The following KMT2D variants were observed in gnomAD, a reference collection of about 807,000 sequenced individuals.
KMT2D encodes histone-lysine N-methyltransferase 2D.
A neutral mutation model predicts 512.7 loss-of-function variants in KMT2D; 55 were observed. That is an observed-to-expected ratio of 0.11 (90% CI 0.09 to 0.13). The LOEUF is 0.13. KMT2D is among the 10% of genes least tolerant of loss of function. KMT2D has a pLI of 1.00. For missense variants in KMT2D, 6,061 were observed against 7,127.9 expected (o/e 0.85, Z 5.39); for synonymous variants, 2,995 against 2,904.0 (o/e 1.03, Z -1.01).
rs11168830 is a variant in KMT2D, at chr12:49,030,751, G to T, written c.13689C>A (p.Pro4563=). Reference sequence around the variant, plus strand: ...TGGCGGTGATAGCAGGCTCCGTTAGGGGCAGCAGGGACAGCTCCTACAAGG... The same window carrying T: ...TGGCGGTGATAGCAGGCTCCGTTAGTGGCAGCAGGGACAGCTCCTACAAGG... ...KQLKQELSLL[P]LTEPAITANF... is the part of the protein sequence containing the mutation. Residue 4563 remains proline (P), a synonymous_variant, in exon 42 of 55, where the codon CCC becomes CCA. Transcript: ENST00000301067. 1 of 1,613,528 alleles carries T rather than the reference G, an allele frequency of 6.2e-7. No homozygotes were observed. Among genetic ancestry groups the T allele is most frequent in the Admixed American group, 1.7e-5 (1 of 60,012 alleles).
chr12:49,032,161 C>T lies in KMT2D; in HGVS notation c.12544G>A (p.Gly4182Arg). 1.2e-6 allele frequency: 2 copies of T among 1,613,314 alleles called. No individual in the cohort carries two copies. The highest frequency in any genetic ancestry group is 2.7e-5 in the African/African-American group (2 of 75,048). The change falls in exon 40 of 55, where the codon GGG (glycine) becomes AGG (arginine). Residue 4182 changes from glycine (G) to arginine (R), a missense_variant. Gly to Arg is a moderately radical substitution (Grantham distance 125). Around this residue, in one of 16 missense-constraint regions of KMT2D, gnomAD observed 1,600 missense variants for 1,754.9 expected, o/e 0.91. Transcript: ENST00000301067. ...ATTCCAACCCCAGGCAGACCCTGCC[C>T]AGACTGGAGGACAGGTCCTGGTTTG... ...PPKPGPVLQSGQGLPGVGIMP... is the reference protein window; with the variant it reads ...PPKPGPVLQSRQGLPGVGIMP...
rs368209841 is a variant in KMT2D at position 49,049,161 on chromosome 12, G to A, written c.3964C>T (p.Arg1322Cys). 3 of 1,611,888 alleles carry A rather than the reference G, an allele frequency of 1.9e-6. No homozygotes were observed. Among genetic ancestry groups the A allele is most frequent in the Admixed American group, 1.7e-5 (1 of 59,770 alleles). Residue 1322 changes from arginine to cysteine, a missense_variant, in exon 13 of 55, where the codon CGT becomes TGT. By Grantham distance (180) the Arg-to-Cys change is radical (BLOSUM62 -3). This residue lies in a region of KMT2D where 447 missense variants were observed against 500.1 expected (regional missense o/e 0.89). Coordinates refer to ENST00000301067, the MANE Select transcript of KMT2D (RefSeq NM_003482.4). ...RRPRGGAHGG[R>C]GRGRARLKST... ...TTTAGCCGGGCCCGTCCTCTACCAC[G>A]TCCTCCATGGGCTCCTCCACGAGGC... is the stretch of plus-strand genomic sequence containing the variant.
At chr12:49,043,597 T>C (rs182834536) in intron 24 of KMT2D, 38 bp downstream of exon 24, 18 of 1,610,718 alleles carry the variant, frequency 1.1e-5, no homozygotes, top group African/African-American at 9.3e-5. Context: ...CAGAAGAAAG[T>C]TGGATTCTCT....
chr12:49,052,492 G>T, intron 10 of KMT2D, 68 bp from the exon 11 acceptor site: 1 of 1,571,196 alleles, frequency 6.4e-7, no homozygotes, highest in Non-Finnish European at 8.7e-7. Flanking sequence ...TGGGGTCTGG[G>T]GCAATGCACA....
In KMT2D at chr12:49,031,600, A is replaced by C. The variant is rs1438347190; in HGVS notation, c.13105T>G (p.Leu4369Val). ...CAAGGTCCCAGACCCTTGCTAAACA[A>C]GGTATCTGCAAGCTGGGCAGCAGCA... ...SPAAAQLADT[L>V]FSKGLGPWDP... Residue 4369 changes from leucine to valine, a missense_variant, in exon 40 of 55, where the codon TTG (leucine) becomes GTG (valine). By Grantham distance (32) the Leu-to-Val change is conservative. Transcript: ENST00000301067. 6.3e-7 allele frequency: 1 copy of C among 1,599,434 alleles called. No individual in the cohort carries two copies. Among genetic ancestry groups the C allele is most frequent in the South Asian group, 1.1e-5 (1 of 89,038 alleles).
intron 48 of KMT2D, 24 bp downstream of exon 48, chr12:49,027,779 C>G (rs370139556): frequency 1.7e-5 from 27 of 1,552,866 alleles, no homozygotes; most frequent in Non-Finnish European, 2.4e-5. Flanking sequence ...CTAACACCCA[C>G]CCCTTTTTCT....
rs2120585742 is a variant in KMT2D at position 49,044,569 on chromosome 12, C to T, written c.4964-47G>A. ...ATGGAGGCAAATCAGAACTATAGGC[C>T]CTTTTAACCTTGTCATCCTGCCACT... On this transcript the variant is annotated intron_variant, in intron 20 of 54. Coordinates refer to ENST00000301067, the MANE Select transcript of KMT2D (RefSeq NM_003482.4). This position sits in a 1 kb window ranked among gnomAD's most constrained non-coding sequence, Gnocchi z 6.4. 6.3e-7 allele frequency: 1 copy of T among 1,599,270 alleles called. No individual in the cohort carries two copies. Among genetic ancestry groups the T allele is most frequent in the Non-Finnish European group, 8.5e-7 (1 of 1,171,988 alleles).
rs1020505865 is a variant in KMT2D at position 49,039,279 on chromosome 12, T to C, written c.8309A>G (p.Asp2770Gly). Residue 2770 changes from aspartate (D) to glycine (G), a missense_variant, in exon 34 of 55, where the codon GAC becomes GGC. Around this residue, in one of 16 missense-constraint regions of KMT2D, gnomAD observed 527 missense variants for 578.9 expected, o/e 0.91. Coordinates refer to ENST00000301067, the MANE Select transcript of KMT2D (RefSeq NM_003482.4). The surrounding 1 kb of genome is among the most constrained non-coding windows in gnomAD (Gnocchi z 5.0). ...ILGPGSFPSD[D>G]RLSRPPPPAT... ...TGGTGGAGGTGGCCGGGAGAGTCGG[T>C]CATCGCTAGGGAAGGACCCTGGCCC... The C allele has an allele frequency of 1.2e-6, 2 of 1,613,486 alleles. No homozygotes were observed.
In KMT2D at chr12:49,040,586, C is replaced by G. The variant is rs2120531109; in HGVS notation, c.7184G>C (p.Cys2395Ser). The change falls in exon 32 of 55, where the codon TGC becomes TCC. Residue 2395 changes from cysteine (C) to serine (S), a missense_variant. This residue lies in a region of KMT2D where 710 missense variants were observed against 647.3 expected (regional missense o/e 1.10). Transcript: ENST00000301067. Reference protein sequence around the residue: ...PRPQPPPPESCCALPPRSLPS... With the variant: ...PRPQPPPPESSCALPPRSLPS... ...CAGTGAGCGAGGGGGCAGAGCACAG[C>G]AGCTCTCAGGGGGCGGAGGTTGGGG... 1 of 1,613,056 alleles carries G rather than the reference C, an allele frequency of 6.2e-7. No homozygotes were observed. The highest frequency in any genetic ancestry group is 2.2e-5 in the East Asian group (1 of 44,834).
rs906302119 is a variant in KMT2D, at chr12:49,021,449, C to A, written c.*331G>T. On this transcript the variant is annotated 3_prime_UTR_variant, in exon 55 of 55. Coordinates refer to ENST00000301067, the MANE Select transcript of KMT2D (RefSeq NM_003482.4). ...CGGCCACACATCCTCTTCCCCCACC[C>A]TGCTGCCTCCCAGATGCTTCTGGGT... is the stretch of plus-strand genomic sequence containing the variant. The A allele has an allele frequency of 5.4e-6, 2 of 369,940 alleles. No individual in the cohort carries two copies. Among genetic ancestry groups the A allele is most frequent in the African/African-American group, 2.0e-5 (1 of 48,842 alleles). The allele number at this position is 369,940 out of a possible 1,614,324, so 22.9% of individuals were successfully genotyped here. A position where few individuals can be genotyped will look rare whatever the true frequency, so the allele number is the denominator to read the frequency against.
rs753565346 is a variant in KMT2D at position 49,039,248 on chromosome 12, C to T, written c.8340G>A (p.Thr2780=). Residue 2780 remains threonine (T), a synonymous_variant, in exon 34 of 55, where the codon ACG becomes ACA. Transcript: ENST00000301067. This position sits in a 1 kb window ranked among gnomAD's most constrained non-coding sequence, Gnocchi z 5.0. ...DRLSRPPPPA[T]PSSMDVNSRQ... ...GGCTGTTCACATCCATAGAGGAAGG[C>T]GTGGCTGGTGGAGGTGGCCGGGAGA... is the stretch of plus-strand genomic sequence containing the variant. The T allele has an allele frequency of 5.6e-6, 9 of 1,613,636 alleles. No homozygotes were observed. Among genetic ancestry groups the T allele is most frequent in the South Asian group, 2.2e-5 (2 of 91,094 alleles).
rs767839968 is a variant in KMT2D at position 49,051,127 on chromosome 12, G to A, written c.2556C>T (p.Ser852=). ...ACAGGGGTGGCTTCTCAAGCTCAGG[G>A]GACAGATGCGATTCCTCAGGCCGGG... ...LSPRPEESHL[S]PELEKPPLSP... The change falls in exon 11 of 55, where the codon TCC becomes TCT. Residue 852 remains serine, a synonymous_variant. Coordinates refer to ENST00000301067, the MANE Select transcript of KMT2D (RefSeq NM_003482.4). The A allele has an allele frequency of 2.6e-6, 4 of 1,520,724 alleles. No individual in the cohort carries two copies. In the Admixed American group the frequency reaches 8.9e-5, roughly 34 times the overall value. The allele number at this position is 1,520,724 out of a possible 1,614,324, so 94.2% of individuals were successfully genotyped here.
At position 49,024,290 on chromosome 12, in the gene KMT2D, T is replaced by A. The variant is rs916981246; in HGVS notation, c.16052+288A>T. Among the ~76,000 whole-genome samples the A allele has an allele frequency of 1.3e-5, 2 of 152,030 alleles. No homozygotes were observed. Among genetic ancestry groups the A allele is most frequent in the East Asian group, 3.8e-4 (2 of 5,198 alleles). On this transcript the variant is annotated intron_variant, in intron 51 of 54. Coordinates refer to ENST00000301067, the MANE Select transcript of KMT2D (RefSeq NM_003482.4). The surrounding 1 kb of genome is among the most constrained non-coding windows in gnomAD (Gnocchi z 4.5). Reference sequence around the variant, plus strand: ...GAAGTAAAACAGGAGAAGAAAGAGGTGACCAAGTCCCTTATATATTTCATA... The same window carrying A: ...GAAGTAAAACAGGAGAAGAAAGAGGAGACCAAGTCCCTTATATATTTCATA...
Position 49,041,215 on chromosome 12 carries a change from C to T in KMT2D, c.6555G>A (p.Leu2185=), listed in dbSNP as rs1943509273. 4 of 1,512,640 alleles carry T rather than the reference C, an allele frequency of 2.6e-6. No homozygotes were observed. Among genetic ancestry groups the T allele is most frequent in the Non-Finnish European group, 2.6e-6 (3 of 1,133,412 alleles). 93.7% of individuals were successfully genotyped at this position (1,512,640 alleles called of 1,614,324 possible). ...GCGGTGCCGTGGGGAAGCGGGGCTC[C>T]AGGGGATAGGCAGGGGCCAGTCCAA... is the stretch of plus-strand genomic sequence containing the variant. ...DPFGLAPAYP[L]EPRFPTAPPT... The change falls in exon 32 of 55, where the codon CTG becomes CTA. Residue 2185 remains leucine, a synonymous_variant. Transcript: ENST00000301067. The surrounding 1 kb of genome is among the most constrained non-coding windows in gnomAD (Gnocchi z 5.4).
At position 49,044,337 on chromosome 12, in the gene KMT2D, G is replaced by A. The variant is rs761427404; in HGVS notation, c.5084-33C>T. The stretch of plus-strand genomic sequence containing the variant: ...GAGGCAGAGTTGTGGATGAGAAGCC[G>A]CTGGGGGACCTATTGAGCTGCCCCG... On this transcript the variant is annotated intron_variant, in intron 21 of 54. Transcript: ENST00000301067. This position sits in a 1 kb window ranked among gnomAD's most constrained non-coding sequence, Gnocchi z 6.4. 31 of 1,613,626 alleles carry A rather than the reference G, an allele frequency of 1.9e-5. No homozygotes were observed. In the East Asian group the frequency reaches 2.0e-4, roughly 10 times the overall value.
intron 1 of KMT2D, 66 bp from the exon 2 acceptor site, chr12:49,055,427 T>G: frequency 1.8e-6 from 2 of 1,106,566 alleles, no homozygotes; most frequent in Non-Finnish European, 1.3e-6. Context: ...TTTCCCAGAA[T>G]CCTGGGAAGA....
rs561342658 is a variant in KMT2D at position 49,042,892 on chromosome 12, A to G, written c.5645-14T>C. On this transcript the variant is annotated splice_polypyrimidine_tract_variant and intron_variant, in intron 26 of 54. Transcript: ENST00000301067. The surrounding 1 kb of genome is among the most constrained non-coding windows in gnomAD (Gnocchi z 4.4). ...TCTTGGGCAGTTCTGTGGGGGAATG[A>G]AGGACACTGTTGAGGAAGACTGGGA... 6.2e-7 allele frequency: 1 copy of G among 1,613,622 alleles called. No individual in the cohort carries two copies. The highest frequency in any genetic ancestry group is 8.5e-7 in the Non-Finnish European group (1 of 1,179,684).
In KMT2D at chr12:49,044,137, CT is replaced by C; in HGVS notation, c.5188+62del. On this transcript the variant is annotated intron_variant, in intron 22 of 54. Transcript: ENST00000301067. This position sits in a 1 kb window ranked among gnomAD's most constrained non-coding sequence, Gnocchi z 6.4. Reference sequence around the variant, plus strand: ...TTGGCCCTTTCAATGAGTCCACCCCCTGGGTCTCTCTAGCATTGCCCCACCT... The same window carrying C: ...TTGGCCCTTTCAATGAGTCCACCCCCGGGTCTCTCTAGCATTGCCCCACCT... 1 of 1,588,186 alleles carries C rather than the reference CT, an allele frequency of 6.3e-7. No homozygotes were observed.
At position 49,032,473 on chromosome 12, in the gene KMT2D, C is replaced by G. The variant is rs2120431671; in HGVS notation, c.12232G>C (p.Val4078Leu). The G allele has an allele frequency of 6.4e-7, 1 of 1,566,994 alleles. No homozygotes were observed. Among genetic ancestry groups the G allele is most frequent in the Non-Finnish European group, 8.7e-7 (1 of 1,155,690 alleles). The change falls in exon 40 of 55, where the codon GTC becomes CTC. Residue 4078 changes from valine (V) to leucine (L), a missense_variant. This residue lies in a region of KMT2D where 1,600 missense variants were observed against 1,754.9 expected (regional missense o/e 0.91). Transcript: ENST00000301067. The stretch of plus-strand genomic sequence containing the variant: ...GGCTGAGGCTGGGGCTGGGGTTGGA[C>G]AAGCAGGAGTTGTGAGTCCCCAGAG... ...SLSGDSQLLL[V>L]QPQPQPQPSS...
Sources: gnomAD v4.1 joint callset for allele counts (sites outside exome capture counted in the v4.1 genomes callset) on GRCh38, gnomAD v4.1.1 for gene constraint, gnomAD v4.1.1 regional missense constraint, Gnocchi (gnomAD v3.1) non-coding constraint, MANE v1.5 for transcripts, NCBI Gene and HGNC (gene_info 2026-07-23, HGNC 2026-07-21) for gene names.